SEMA6D: variants seen among roughly 807,000 people sequenced by gnomAD.
SEMA6D encodes semaphorin-6D.
Under a neutral mutation model 106.6 loss-of-function variants are expected in SEMA6D, and 35 were observed. The observed-to-expected ratio is 0.33, with a 90% CI of 0.25 to 0.44. The LOEUF (loss-of-function observed/expected upper bound fraction) is 0.44. SEMA6D is among the 20% of genes least tolerant of loss of function. SEMA6D has a pLI of 1.00. For missense variants in SEMA6D, 1,185 were observed against 1,345.9 expected, an observed-to-expected ratio of 0.88 and a Z score of 1.87; for synonymous variants, 499 against 487.7, an observed-to-expected ratio of 1.02 and a Z score of -0.31.
At chr15:47,196,938 G>A (rs1894403156) in intron 1 of SEMA6D, among the ~76,000 whole-genome samples, 2 of 152,084 alleles carry the variant, frequency 1.3e-5, no homozygotes. Context: ...TTGAGTAACT[G>A]GGAAAACTAC....
rs146615806 is a variant in SEMA6D at position 47,663,921 on chromosome 15, G to A, written c.-55+63025G>A. Among the ~76,000 whole-genome samples, 19 of 152,258 alleles carry A rather than the reference G, an allele frequency of 1.2e-4. No homozygotes were observed. In the South Asian group the frequency reaches 3.7e-3, roughly 30 times the overall value. ...CGTGGACACTCAGACTACTAGGAGC[G>A]CTTGTGGGATCAGAATCTGAGTCTT... On this transcript the variant is annotated intron_variant, in intron 4 of 19. Transcript: ENST00000558014.
At chr15:47,743,380 A>G (rs1221324667) in intron 1 of SEMA6D, among the ~76,000 whole-genome samples, 3 of 152,030 alleles carry the variant, frequency 2.0e-5, no homozygotes, top group Admixed American at 6.6e-5. Flanking sequence ...AGATTTTTCA[A>G]TGTTTTTTTT....
chr15:47,407,091 G>T (rs529508452), intron 1 of SEMA6D, among the ~76,000 whole-genome samples: 2 of 152,062 alleles, frequency 1.3e-5, no homozygotes, highest in African/African-American at 2.4e-5. Flanking sequence ...GCCGGGCCGG[G>T]GGGTGGCTCA....
intron 1 of SEMA6D, among the ~76,000 whole-genome samples, chr15:47,201,943 G>C (rs183553590): frequency 6.6e-6 from 1 of 152,060 alleles, no homozygotes; most frequent in Non-Finnish European, 1.5e-5. Context: ...TGGCTTTTTT[G>C]GGGGGTCAGC....
chr15:47,696,411 T>C (rs1011874903), intron 4 of SEMA6D, among the ~76,000 whole-genome samples: 1 of 152,198 alleles, frequency 6.6e-6, no homozygotes, highest in African/African-American at 2.4e-5. Context: ...CAACACACTT[T>C]AGACATTGTC....
chr15:47,408,441 A>T (rs944343137), intron 1 of SEMA6D, among the ~76,000 whole-genome samples: 2 of 152,216 alleles, frequency 1.3e-5, no homozygotes, highest in Admixed American at 1.3e-4. Context: ...ATTAACAATG[A>T]CTCTGACTTC....
chr15:47,497,607 T>G (rs988884237), intron 3 of SEMA6D, among the ~76,000 whole-genome samples: 1 of 152,098 alleles, frequency 6.6e-6, no homozygotes, highest in Non-Finnish European at 1.5e-5. Flanking sequence ...CCTAGTAGAT[T>G]CTTAAAAATA....
chr15:47,751,525 G>A (rs1029750452), intron 1 of SEMA6D, among the ~76,000 whole-genome samples: 1 of 152,090 alleles, frequency 6.6e-6, no homozygotes, highest in Non-Finnish European at 1.5e-5. Flanking sequence ...AGAGTGAATG[G>A]TGCTCTTTGT....
At chr15:47,225,519 GTTTTTTT>G (rs71118160) in intron 1 of SEMA6D, among the ~76,000 whole-genome samples, 1 of 92,382 alleles carries the variant, frequency 1.1e-5, no homozygotes, top group Non-Finnish European at 1.9e-5. Context: ...CTTGTTGAGG[GTTTTTTT>G]TTTTTTTTTT....
chr15:47,335,875 T>C (rs1202446455), intron 1 of SEMA6D, among the ~76,000 whole-genome samples: 10 of 152,086 alleles, frequency 6.6e-5, no homozygotes, highest in Admixed American at 4.6e-4. Context: ...TACAACACTG[T>C]GGAAGGTCAA....
intron 1 of SEMA6D, among the ~76,000 whole-genome samples, chr15:47,190,281 G>T (rs1319665793): frequency 2.6e-5 from 4 of 152,030 alleles, no homozygotes; most frequent in Non-Finnish European, 4.4e-5. Context: ...TCCAAGATTT[G>T]GTAACATCCA....
chr15:47,767,274 C>T lies in SEMA6D; in HGVS notation c.1765+181C>T, dbSNP rs115456719. On this transcript the variant is annotated intron_variant, in intron 17 of 18. Transcript: ENST00000536845. ...CTGAGCACTTCACCCTTGTTTATAG[C>T]ATGTTAACACTTCATCATTGACCAA... is the stretch of plus-strand genomic sequence containing the variant. 1,166 of 477,832 alleles carry T rather than the reference C, an allele frequency of 2.4e-3. 11 individuals carry two copies. The highest frequency in any genetic ancestry group is 0.02 in the African/African-American group (995 of 49,472). The allele number at this position is 477,832 out of a possible 1,614,324, so 29.6% of individuals were successfully genotyped here.
At chr15:47,527,392 A>G (rs1040094785) in intron 3 of SEMA6D, among the ~76,000 whole-genome samples, 1 of 151,936 alleles carries the variant, frequency 6.6e-6, no homozygotes, top group Non-Finnish European at 1.5e-5. Flanking sequence ...GGAAATGCCA[A>G]AAAAATTTCT....
intron 3 of SEMA6D, among the ~76,000 whole-genome samples, chr15:47,486,319 A>G (rs2043295866): frequency 1.3e-5 from 2 of 152,226 alleles, no homozygotes. Flanking sequence ...AACAACAATG[A>G]AAGAACTTAC....
intron 4 of SEMA6D, among the ~76,000 whole-genome samples, chr15:47,692,377 C>T (rs557960434): frequency 6.6e-6 from 1 of 152,262 alleles, no homozygotes; most frequent in South Asian, 2.1e-4. Context: ...CACCCACTTA[C>T]TTTCTTTGCT....
intron 3 of SEMA6D, among the ~76,000 whole-genome samples, chr15:47,522,975 A>C (rs981850726): frequency 6.6e-6 from 1 of 152,194 alleles, no homozygotes; most frequent in African/African-American, 2.4e-5. Flanking sequence ...GTTAGCACAA[A>C]GCTATAGAAT....
intron 1 of SEMA6D, among the ~76,000 whole-genome samples, chr15:47,379,982 C>G (rs1329191932): frequency 6.6e-6 from 1 of 152,096 alleles, no homozygotes; most frequent in Non-Finnish European, 1.5e-5. Flanking sequence ...GTCTTGAACT[C>G]CGGACCTCAG....
At chr15:47,300,274 A>G (rs1335773582) in intron 1 of SEMA6D, among the ~76,000 whole-genome samples, 1 of 152,082 alleles carries the variant, frequency 6.6e-6, no homozygotes, top group African/African-American at 2.4e-5. Flanking sequence ...TTGCTCTTGT[A>G]TTGTCTGTAG....
At chr15:47,671,329 A>G (rs2078132888) in intron 4 of SEMA6D, among the ~76,000 whole-genome samples, 1 of 152,244 alleles carries the variant, frequency 6.6e-6, no homozygotes, top group Non-Finnish European at 1.5e-5. Flanking sequence ...ATTGTAAAAT[A>G]CAAAGTGATG....
Sources: gnomAD v4.1 joint callset for allele counts (sites outside exome capture counted in the v4.1 genomes callset) on GRCh38, gnomAD v4.1.1 for gene constraint, MANE v1.5 for transcripts, NCBI Gene and HGNC (gene_info 2026-07-23, HGNC 2026-07-21) for gene names.